The following ADAMTSL1 variants were observed in gnomAD, a reference collection of about 807,000 sequenced individuals.
The protein encoded by ADAMTSL1 is ADAMTS-like protein 1.
ADAMTSL1 carries 126 observed loss-of-function variants against 201.8 expected under a neutral mutation model. The ratio of observed to expected loss-of-function variants is 0.62; its 90% CI spans 0.54 to 0.72. The LOEUF is 0.72. ADAMTSL1 is among the 30% of genes least tolerant of loss of function. ADAMTSL1 has a pLI of 0.00. For synonymous variants in ADAMTSL1, 1,121 were observed against 903.4 expected (o/e 1.24, Z -4.32); for missense variants, 2,679 against 2,277.8 (o/e 1.18, Z -3.59).
At chr9:18,270,589 A>G (rs1415733271) in intron 2 of ADAMTSL1, among the ~76,000 whole-genome samples, 1 of 152,220 alleles carries the variant, frequency 6.6e-6, no homozygotes, top group Non-Finnish European at 1.5e-5. Flanking sequence ...TATTTTTATA[A>G]TAATCCAGTC....
intron 1 of ADAMTSL1, among the ~76,000 whole-genome samples, chr9:18,132,390 A>T (rs1307932252): frequency 6.6e-6 from 1 of 152,076 alleles, no homozygotes. Context: ...ACTGCTACCC[A>T]TTTCCAGAAC....
intron 1 of ADAMTSL1, among the ~76,000 whole-genome samples, chr9:17,993,928 T>C (rs1819267476): frequency 1.3e-5 from 2 of 151,948 alleles, no homozygotes; most frequent in Non-Finnish European, 2.9e-5. Flanking sequence ...TGGGAGATGG[T>C]TTTCTTTATC....
chr9:18,023,952 G>T (rs893872978), intron 1 of ADAMTSL1, among the ~76,000 whole-genome samples: 1 of 151,988 alleles, frequency 6.6e-6, no homozygotes, highest in African/African-American at 2.4e-5. Flanking sequence ...TAAATACCAA[G>T]ATATTCAATT....
chr9:18,376,770 C>T (rs1039028452), intron 2 of ADAMTSL1, among the ~76,000 whole-genome samples: 2 of 152,126 alleles, frequency 1.3e-5, no homozygotes, highest in African/African-American at 4.8e-5. Context: ...CGCATCACTG[C>T]ACTCCAGCCT....
intron 1 of ADAMTSL1, among the ~76,000 whole-genome samples, chr9:17,956,056 T>C (rs1415060087): frequency 1.3e-5 from 2 of 152,204 alleles, no homozygotes; most frequent in African/African-American, 4.8e-5. Context: ...CCAAATACTG[T>C]GGAAAAATCT....
intron 4 of ADAMTSL1, among the ~76,000 whole-genome samples, chr9:18,605,118 C>G (rs1391477162): frequency 6.6e-6 from 1 of 152,080 alleles, no homozygotes; most frequent in Non-Finnish European, 1.5e-5. Context: ...TACCTTTTTT[C>G]CCTCTTCTGC....
At chr9:18,362,342 G>A (rs1440511783) in intron 2 of ADAMTSL1, 1 of 152,230 alleles carries the variant, frequency 6.6e-6, no homozygotes, top group Non-Finnish European at 1.5e-5. Context: ...TATCACATAT[G>A]TCTAGTATTG....
At chr9:18,567,122 C>G (rs568471777) in intron 3 of ADAMTSL1, among the ~76,000 whole-genome samples, 1 of 152,080 alleles carries the variant, frequency 6.6e-6, no homozygotes, top group Admixed American at 6.5e-5. Context: ...TTTAAAAAGG[C>G]CTTCAGGTGA....
chr9:17,926,812 A>G (rs1826555380), intron 1 of ADAMTSL1, among the ~76,000 whole-genome samples: 1 of 152,150 alleles, frequency 6.6e-6, no homozygotes, highest in Admixed American at 6.5e-5. Flanking sequence ...GTGTGTGTCT[A>G]TGTGTACAGA....
intron 2 of ADAMTSL1, among the ~76,000 whole-genome samples, chr9:18,295,302 A>G (rs1434963542): frequency 2.0e-5 from 3 of 152,064 alleles, no homozygotes; most frequent in African/African-American, 7.2e-5. Flanking sequence ...ATGATATTAA[A>G]ATAGAATTCA....
At chr9:18,035,674 C>T (rs1363153459) in intron 1 of ADAMTSL1, among the ~76,000 whole-genome samples, 1 of 152,058 alleles carries the variant, frequency 6.6e-6, no homozygotes, top group Non-Finnish European at 1.5e-5. Context: ...ATAGTGCTCC[C>T]CACCTCCTGA....
At chr9:18,195,173 G>A (rs1829125354) in intron 2 of ADAMTSL1, among the ~76,000 whole-genome samples, 1 of 152,120 alleles carries the variant, frequency 6.6e-6, no homozygotes, top group Non-Finnish European at 1.5e-5. Context: ...AGCCACCAGT[G>A]TCCATCAAAC....
At chr9:18,823,025 G>A (rs900259192) in intron 21 of ADAMTSL1, among the ~76,000 whole-genome samples, 6 of 152,136 alleles carry the variant, frequency 3.9e-5, no homozygotes, top group Non-Finnish European at 8.8e-5. Flanking sequence ...TTCTACATGC[G>A]TAATGTCAGA....
chr9:18,125,135 C>T (rs974094323), intron 1 of ADAMTSL1, among the ~76,000 whole-genome samples: 2 of 152,308 alleles, frequency 1.3e-5, no homozygotes, highest in East Asian at 1.9e-4. Flanking sequence ...AGAGGTTTAA[C>T]TGGACTCACA....
Position 18,029,639 on chromosome 9 carries a change from A to G in ADAMTSL1, c.87+122717A>G, listed in dbSNP as rs371712653. 1.5e-3 allele frequency among the ~76,000 whole-genome samples: 231 copies of G among 152,000 alleles called. 6 individuals carry two copies. The South Asian group carries it at 0.047, about 31-fold the overall frequency. On this transcript the variant is annotated intron_variant, in intron 1 of 29. Transcript: ENST00000680146. The stretch of plus-strand genomic sequence containing the variant: ...TACAGAATGGGAGAAAATTTTCGCA[A>G]CCTACTCATCTGACAAAGGGCTAAT...
At position 18,906,279 on chromosome 9, in the gene ADAMTSL1, G is replaced by A. The variant is rs62550763; in HGVS notation, c.4961+388G>A. On this transcript the variant is annotated intron_variant, in intron 27 of 28. Coordinates refer to ENST00000380548, the MANE Select transcript of ADAMTSL1 (RefSeq NM_001040272.6). The stretch of plus-strand genomic sequence containing the variant: ...CTCCCTCTAGAAGTTAGGCTAAGAT[G>A]AGAGCCCTTGTTCCTGAGTCTCAAC... Among the ~76,000 whole-genome samples the A allele has an allele frequency of 6.5e-3, 983 of 152,260 alleles. 6 individuals carry two copies. Among genetic ancestry groups the A allele is most frequent in the African/African-American group, 0.017 (696 of 41,548 alleles).
At chr9:18,665,692 T>G (rs1382904049) in intron 9 of ADAMTSL1, among the ~76,000 whole-genome samples, 1 of 152,094 alleles carries the variant, frequency 6.6e-6, no homozygotes, top group South Asian at 2.1e-4. Context: ...TCCCATCTCA[T>G]TTTTTGTTCC....
chr9:18,077,003 G>T (rs1306668181), intron 1 of ADAMTSL1, among the ~76,000 whole-genome samples: 1 of 152,156 alleles, frequency 6.6e-6, no homozygotes, highest in Non-Finnish European at 1.5e-5. Context: ...GAAGGATACA[G>T]AATGACTCCC....
At chr9:18,305,619 A>G (rs932486368) in intron 2 of ADAMTSL1, among the ~76,000 whole-genome samples, 1 of 152,214 alleles carries the variant, frequency 6.6e-6, no homozygotes, top group Non-Finnish European at 1.5e-5. Flanking sequence ...AGCCCACTGC[A>G]GCTCAGCAAA....
Sources: allele counts gnomAD v4.1 joint callset (sites outside exome capture counted in the v4.1 genomes callset), GRCh38; gene constraint gnomAD v4.1.1; transcripts MANE v1.5; gene names NCBI Gene and HGNC (gene_info 2026-07-23, HGNC 2026-07-21).